Variants in FBXO33 observed in about 807,000 individuals in gnomAD.
The protein encoded by FBXO33 is F-box only protein 33.
A neutral mutation model predicts 46.3 loss-of-function variants in FBXO33; 22 were observed. That is an observed-to-expected ratio of 0.48 (90% CI 0.34 to 0.68). The LOEUF is 0.68. Among genes scored for constraint, FBXO33 ranks in the 30% least tolerant of loss-of-function variants. The pLI is 0.01. For synonymous variants in FBXO33, 337 were observed against 291.3 expected, an observed-to-expected ratio of 1.16 and a Z score of -1.60; for missense variants, 692 against 708.8, an observed-to-expected ratio of 0.98 and a Z score of 0.27.
chr14:39,407,612 G>A (rs1481839906), intron 1 of FBXO33, among the ~76,000 whole-genome samples: 3 of 152,130 alleles, frequency 2.0e-5, no homozygotes, highest in South Asian at 2.1e-4. Flanking sequence ...CATCCAGTTT[G>A]TTGAATATAG....
chr14:39,421,166 C>G (rs989958604), intron 1 of FBXO33, among the ~76,000 whole-genome samples: 20 of 152,178 alleles, frequency 1.3e-4, no homozygotes, highest in African/African-American at 4.8e-4. Context: ...CCTCAGGTGA[C>G]TATGTTTCTT....
chr14:39,405,334 T>C (rs1316309938), intron 1 of FBXO33, among the ~76,000 whole-genome samples: 1 of 152,230 alleles, frequency 6.6e-6, no homozygotes, highest in South Asian at 2.1e-4. Context: ...TCAAGCTACA[T>C]ATCAGAGGTA....
intron 1 of FBXO33, among the ~76,000 whole-genome samples, chr14:39,417,720 G>A (rs2075455842): frequency 6.6e-6 from 1 of 152,008 alleles, no homozygotes; most frequent in Admixed American, 6.6e-5. Flanking sequence ...TAGTAGGGAT[G>A]GGGTTTCACC....
intron 1 of FBXO33, among the ~76,000 whole-genome samples, chr14:39,428,516 TCAA>T (rs141408670): frequency 0.035 from 5,314 of 152,144 alleles, 336 homozygotes; most frequent in African/African-American, 0.12. Flanking sequence ...ATATGAATTC[TCAA>T]CAACAACAAA....
intron 1 of FBXO33, among the ~76,000 whole-genome samples, chr14:39,406,826 T>C (rs1187327616): frequency 6.6e-6 from 1 of 152,098 alleles, no homozygotes; most frequent in Non-Finnish European, 1.5e-5. Context: ...GGCTCACAAC[T>C]AGGAGAAAAA....
At chr14:39,412,172 T>A (rs1302263496) in intron 1 of FBXO33, among the ~76,000 whole-genome samples, 1 of 152,218 alleles carries the variant, frequency 6.6e-6, no homozygotes, top group African/African-American at 2.4e-5. Context: ...TGTCTTATTT[T>A]ATTATTGTAT....
chr14:39,399,515 G>A lies in FBXO33; in HGVS notation c.*1C>T. ...CACAGGAATTCTACATTAAAAAAAAGCTAAATGTCTTCACTGAAGCTTTGC... is the reference window on the plus strand; with the variant it reads ...CACAGGAATTCTACATTAAAAAAAAACTAAATGTCTTCACTGAAGCTTTGC... On this transcript the variant is annotated 3_prime_UTR_variant, in exon 4 of 4. Coordinates refer to ENST00000298097, the MANE Select transcript of FBXO33 (RefSeq NM_203301.4). The A allele has an allele frequency of 6.2e-7, 1 of 1,604,702 alleles. No individual in the cohort carries two copies. The highest frequency in any genetic ancestry group is 8.5e-7 in the Non-Finnish European group (1 of 1,174,084).
chr14:39,426,651 T>C (rs1314733471), intron 1 of FBXO33, among the ~76,000 whole-genome samples: 1 of 152,184 alleles, frequency 6.6e-6, no homozygotes, highest in East Asian at 1.9e-4. Flanking sequence ...TGTCACACTT[T>C]CTTTTCCACT....
chr14:39,412,605 C>A (rs1239240164), intron 1 of FBXO33, among the ~76,000 whole-genome samples: 1 of 143,088 alleles, frequency 7.0e-6, no homozygotes, highest in Non-Finnish European at 1.5e-5. Context: ...TTTTTTCATT[C>A]CTTTCTTCTC....
intron 1 of FBXO33, among the ~76,000 whole-genome samples, chr14:39,420,706 C>G (rs2075478949): frequency 6.6e-6 from 1 of 151,968 alleles, no homozygotes; most frequent in African/African-American, 2.4e-5. Context: ...AAAAAGCAAG[C>G]AAGCAGCAAA....
chr14:39,426,502 A>T (rs2075515850), intron 1 of FBXO33, among the ~76,000 whole-genome samples: 1 of 152,198 alleles, frequency 6.6e-6, no homozygotes, highest in Non-Finnish European at 1.5e-5. Context: ...CTTGTCCTTA[A>T]AATTTTTTTC....
At chr14:39,408,369 T>A (rs2075408137) in intron 1 of FBXO33, among the ~76,000 whole-genome samples, 1 of 152,204 alleles carries the variant, frequency 6.6e-6, no homozygotes. Flanking sequence ...CATTTGTATG[T>A]CTTCTTTGGA....
intron 1 of FBXO33, among the ~76,000 whole-genome samples, chr14:39,426,492 C>A (rs528499008): frequency 6.6e-6 from 1 of 152,278 alleles, no homozygotes; most frequent in East Asian, 1.9e-4. Flanking sequence ...TCACATTATT[C>A]TTGTCCTTAA....
Position 39,399,675 on chromosome 14 carries a change from G to A in FBXO33, c.1509C>T (p.Ala503=), listed in dbSNP as rs61753282. The A allele has an allele frequency of 1.8e-5, 29 of 1,613,826 alleles. No homozygotes were observed. Among genetic ancestry groups the A allele is most frequent in the Non-Finnish European group, 2.2e-5 (26 of 1,179,972 alleles). Residue 503 remains alanine, a synonymous_variant, in exon 4 of 4, where the codon GCC becomes GCT. Transcript: ENST00000298097. ...ESIDFDQGEL[A]DQDVDPVHNL... ...TATGCACTGGATCTACATCCTGGTC[G>A]GCCAGTTCACCTTGGTCAAAATCAA... is the stretch of plus-strand genomic sequence containing the variant.
chr14:39,406,420 T>C (rs955105885), intron 1 of FBXO33, among the ~76,000 whole-genome samples: 8 of 152,216 alleles, frequency 5.3e-5, no homozygotes, highest in African/African-American at 1.7e-4. Context: ...GCCTTCCCTC[T>C]GTAAACAACT....
chr14:39,402,444 T>G lies in FBXO33; in HGVS notation c.667A>C (p.Thr223Pro), dbSNP rs2075372975. ...TCAGGGTCCACCTTGCTGAGGTATG[T>G]ATTTGACAAACTTCCTTGCTGTTGT... is the stretch of plus-strand genomic sequence containing the variant. The part of the protein sequence containing the change: ...VLQQQGSLSN[T>P]YLSKVDPDGK... Residue 223 changes from threonine to proline, a missense_variant, in exon 2 of 4, where the codon ACA becomes CCA. Coordinates refer to ENST00000298097, the MANE Select transcript of FBXO33 (RefSeq NM_203301.4). 1.3e-6 allele frequency: 2 copies of G among 1,584,154 alleles called. No homozygotes were observed. Among genetic ancestry groups the G allele is most frequent in the Admixed American group, 3.5e-5 (2 of 57,244 alleles).
intron 1 of FBXO33, among the ~76,000 whole-genome samples, chr14:39,413,506 G>A (rs1215865156): frequency 6.6e-6 from 1 of 152,204 alleles, no homozygotes; most frequent in Non-Finnish European, 1.5e-5. Context: ...CATGAATCAT[G>A]AATGTTCTGA....
intron 1 of FBXO33, among the ~76,000 whole-genome samples, chr14:39,404,764 C>G (rs765181076): frequency 6.6e-6 from 1 of 152,068 alleles, no homozygotes; most frequent in Non-Finnish European, 1.5e-5. Flanking sequence ...GACTGGAGTA[C>G]AGAGAGTAAG....
At chr14:39,412,797 T>C (rs1309578491) in intron 1 of FBXO33, among the ~76,000 whole-genome samples, 1 of 152,268 alleles carries the variant, frequency 6.6e-6, no homozygotes, top group Non-Finnish European at 1.5e-5. Context: ...ATAAAAGTAA[T>C]GTTTACACTG....
Sources: gnomAD v4.1 joint callset for allele counts (sites outside exome capture counted in the v4.1 genomes callset) on GRCh38, gnomAD v4.1.1 for gene constraint, MANE v1.5 for transcripts, NCBI Gene and HGNC (gene_info 2026-07-23, HGNC 2026-07-21) for gene names.